The following TYK2 variants were observed in gnomAD, a reference collection of about 807,000 sequenced individuals.
TYK2 encodes the protein tyrosine kinase 2.
A neutral mutation model predicts 130.9 loss-of-function variants in TYK2; 65 were observed. The ratio of observed to expected loss-of-function variants is 0.50; its 90% confidence interval spans 0.41 to 0.61. The LOEUF (loss-of-function observed/expected upper bound fraction) is 0.61. TYK2 is among the 20% of genes least tolerant of loss of function. The pLI, the probability that TYK2 is intolerant of heterozygous loss-of-function variation, is 0.00. For synonymous variants in TYK2, 647 were observed against 658.9 expected (o/e 0.98, Z 0.28); for missense variants, 1,378 against 1,610.7 (o/e 0.86, Z 2.47).
chr19:10,358,040 A>G lies in TYK2; in HGVS notation c.2274T>C (p.Ser758=), dbSNP rs772006960. The change falls in exon 16 of 25, where the codon AGT becomes AGC. Residue 758 remains serine, a synonymous_variant. Transcript: ENST00000525621. Reference sequence around the variant, plus strand: ...GGGCGCCCAGGCCCACGCCAGGATCACTCAGCTTGATGAAGGGGCTGGTGC... The same window carrying G: ...GGGCGCCCAGGCCCACGCCAGGATCGCTCAGCTTGATGAAGGGGCTGGTGC... ...AEGTSPFIKL[S]DPGVGLGALS... is the part of the protein sequence containing the mutation. 1.9e-6 allele frequency: 3 copies of G among 1,613,400 alleles called. No homozygotes were observed. Among genetic ancestry groups the G allele is most frequent in the Non-Finnish European group, 2.5e-6 (3 of 1,179,972 alleles).
chr19:10,371,244 GC>G lies in TYK2; in HGVS notation c.194-2827del, dbSNP rs200741543. Reference sequence around the variant, plus strand: ...GCCTCCTGAGTAGCTGGGAGGCTGAGCTACTCAGCCTCCAAAGTGCTGGGAT... The same window carrying G: ...GCCTCCTGAGTAGCTGGGAGGCTGAGTACTCAGCCTCCAAAGTGCTGGGAT... On this transcript the variant is annotated intron_variant, in intron 3 of 24. Transcript: ENST00000525621. Among the ~76,000 whole-genome samples, 1,178 of 151,852 alleles carry G rather than the reference GC, an allele frequency of 7.8e-3. 13 individuals carry two copies. Among genetic ancestry groups the G allele is most frequent in the African/African-American group, 0.026 (1,100 of 41,512 alleles).
At chr19:10,354,656 A>AGTGTGG in intron 18 of TYK2, 47 bp from the exon 19 acceptor site, 1 of 1,517,566 alleles carries the variant, frequency 6.6e-7, no homozygotes, top group Non-Finnish European at 9.2e-7. Context: ...TCCTTTCCCC[A>AGTGTGG]GCAGGCCCAC....
Position 10,350,797 on chromosome 19 carries a change from C to T in TYK2, c.*37G>A. The T allele has an allele frequency of 3.7e-6, 6 of 1,611,634 alleles. No individual in the cohort carries two copies. Among genetic ancestry groups the T allele is most frequent in the Non-Finnish European group, 4.2e-6 (5 of 1,179,764 alleles). On this transcript the variant is annotated 3_prime_UTR_variant, in exon 25 of 25. Transcript: ENST00000525621. Reference sequence around the variant, plus strand: ...AGGAGGCTCCCTCTGCAGCCACTGCCTGGTCCAGTCCTCCCAGGCAGGGCT... The same window carrying T: ...AGGAGGCTCCCTCTGCAGCCACTGCTTGGTCCAGTCCTCCCAGGCAGGGCT...
rs750764159 is a variant in TYK2, at chr19:10,365,604, A to G, written c.924T>C (p.Ala308=). The part of the protein sequence containing the change: ...VAPTDPGPES[A]AGPPTHEVLV... ...GCACCTCGTGGGTTGGGGGCCCAGC[A>G]GCAGACTCAGGGCCAGGGTCTGTAG... The change falls in exon 7 of 25, where the codon GCT becomes GCC. Residue 308 remains alanine, a synonymous_variant. Transcript: ENST00000525621. 5.0e-6 allele frequency: 8 copies of G among 1,613,934 alleles called. No homozygotes were observed. Among genetic ancestry groups the G allele is most frequent in the Non-Finnish European group, 6.8e-6 (8 of 1,180,010 alleles).
Position 10,361,477 on chromosome 19 carries a change from C to T in TYK2, c.2047+34G>A. The T allele has an allele frequency of 6.5e-7, 1 of 1,544,214 alleles. No homozygotes were observed. The stretch of plus-strand genomic sequence containing the variant: ...GTGGGTATAAGTCAGGGGTGGCCTG[C>T]CAAAGGGGGATGGGTATGGCGGGAC... On this transcript the variant is annotated intron_variant, in intron 14 of 24. Coordinates refer to ENST00000525621, the MANE Select transcript of TYK2 (RefSeq NM_003331.5). The surrounding 1 kb of genome is among the most constrained non-coding windows in gnomAD (Gnocchi z 4.0).
Position 10,362,270 on chromosome 19 carries a change from G to A in TYK2, c.1663C>T (p.Pro555Ser), listed in dbSNP as rs887962195. The change falls in exon 11 of 25, where the codon CCA (proline) becomes TCA (serine). Residue 555 changes from proline to serine, a missense_variant. Physicochemically the swap from Pro to Ser is moderately conservative, Grantham distance 74. Coordinates refer to ENST00000525621, the MANE Select transcript of TYK2 (RefSeq NM_003331.5). Reference sequence around the variant, plus strand: ...GGTCCCCCTATCATCGTACCTCCTGGTTGGGGCAGGCAACAGCGACGCAGA... The same window carrying A: ...GGTCCCCCTATCATCGTACCTCCTGATTGGGGCAGGCAACAGCGACGCAGA... ...FSLRRCCLPQ[P>S]GETSNLIIMR... 1 of 1,613,688 alleles carries A rather than the reference G, an allele frequency of 6.2e-7. No homozygotes were observed.
intron 3 of TYK2, among the ~76,000 whole-genome samples, chr19:10,373,128 CT>C (rs2041987412): frequency 6.6e-6 from 1 of 151,110 alleles, no homozygotes; most frequent in South Asian, 2.1e-4. Context: ...CCTCCACCCC[CT>C]GGGTTCAAGC....
rs751448203 is a variant in TYK2 at position 10,362,337 on chromosome 19, G to A, written c.1596C>T (p.Ala532=). 2.5e-6 allele frequency: 4 copies of A among 1,614,164 alleles called. No individual in the cohort carries two copies. The East Asian group carries it at 8.9e-5, about 36-fold the overall frequency. ...CGGCCCTCAGCAAGCAGCCCTGCAA[G>A]GCAGCCCCAAGTTCCCGAACGCTGG... ...SFPSVRELGA[A]LQGCLLRAGD... Residue 532 remains alanine (A), a synonymous_variant, in exon 11 of 25, where the codon GCC becomes GCT. Transcript: ENST00000525621.
rs374784595 is a variant in TYK2 at position 10,368,160 on chromosome 19, C to T, written c.360G>A (p.Pro120=). 18 of 1,613,976 alleles carry T rather than the reference C, an allele frequency of 1.1e-5. No individual in the cohort carries two copies. Among genetic ancestry groups the T allele is most frequent in the African/African-American group, 9.3e-5 (7 of 74,910 alleles). ...RNWHGMNPRE[P]AVYRCGPPGT... Reference sequence around the variant, plus strand: ...CTGGGGGCCCACAACGGTACACAGCCGGTTCCCGAGGATTCATGCCATGCC... The same window carrying T: ...CTGGGGGCCCACAACGGTACACAGCTGGTTCCCGAGGATTCATGCCATGCC... The change falls in exon 5 of 25, where the codon CCG becomes CCA. Residue 120 remains proline (P), a synonymous_variant. Transcript: ENST00000525621.
In TYK2 at chr19:10,378,369, T is replaced by C; in HGVS notation, c.38A>G (p.Lys13Arg). Reference sequence around the variant, plus strand: ...GGGCTGGGCTCCATCCCCAACGGGCTTACTGCCCCTGGCCATCCCCCAGTG... The same window carrying C: ...GGGCTGGGCTCCATCCCCAACGGGCCTACTGCCCCTGGCCATCCCCCAGTG... ...LRHWGMARGSKPVGDGAQPMA... is the reference protein window; with the variant it reads ...LRHWGMARGSRPVGDGAQPMA... Residue 13 changes from lysine (K) to arginine (R), a missense_variant, in exon 3 of 25, where the codon AAG becomes AGG. Lys to Arg is a conservative substitution (Grantham distance 26). Coordinates refer to ENST00000525621, the MANE Select transcript of TYK2 (RefSeq NM_003331.5). 2 of 1,612,216 alleles carry C rather than the reference T, an allele frequency of 1.2e-6. No individual in the cohort carries two copies. The highest frequency in any genetic ancestry group is 1.7e-6 in the Non-Finnish European group (2 of 1,179,896).
intron 18 of TYK2, among the ~76,000 whole-genome samples, chr19:10,356,153 T>G (rs2041088911): frequency 6.6e-6 from 1 of 152,108 alleles, no homozygotes. Flanking sequence ...CTGAAGCAGA[T>G]AGATCATTTG....
At chr19:10,354,668 C>A (rs569903997) in intron 18 of TYK2, 59 bp from the exon 19 acceptor site, 1 of 1,457,456 alleles carries the variant, frequency 6.9e-7, no homozygotes, top group South Asian at 1.1e-5. Flanking sequence ...CAGGCCCACA[C>A]TTGGGAGTCA....
chr19:10,366,515 G>A lies in TYK2; in HGVS notation c.531C>T (p.His177=). The change falls in exon 6 of 25, where the codon CAC becomes CAT. Residue 177 remains histidine (H), a synonymous_variant. Transcript: ENST00000525621. ...TGCCCAGGCTCTCATTCTTAAAGTG[G>A]TGGATCTCCTCCTCGGTCGACAGCT... ...LWELSTEEEI[H]HFKNESLGMA... is the part of the protein sequence containing the mutation. 1 of 1,613,960 alleles carries A rather than the reference G, an allele frequency of 6.2e-7. No individual in the cohort carries two copies. The highest frequency in any genetic ancestry group is 1.1e-5 in the South Asian group (1 of 91,074).
In TYK2 at chr19:10,354,207, A is replaced by G; in HGVS notation, c.2743T>C (p.Cys915Arg). The G allele has an allele frequency of 6.2e-7, 1 of 1,613,404 alleles. No homozygotes were observed. The highest frequency in any genetic ancestry group is 8.5e-7 in the Non-Finnish European group (1 of 1,180,018). The change falls in exon 20 of 25, where the codon TGC becomes CGC. Residue 915 changes from cysteine (C) to arginine (R), a missense_variant. By Grantham distance (180) the Cys-to-Arg change is radical. Transcript: ENST00000525621. ...GTGCCGTCGTTGGTCGGATCGTAGC[A>G]GTACAAGCTGACCTTGCCGAAGTGA... ...EGHFGKVSLY[C>R]YDPTNDGTGE... is the part of the protein sequence containing the mutation.
At position 10,372,458 on chromosome 19, in the gene TYK2, C is replaced by CTATATATATATATATA. The variant is rs569826524; in HGVS notation, c.194-4056_194-4041dup. On this transcript the variant is annotated intron_variant, in intron 3 of 24. Transcript: ENST00000525621. ...TACAGGAACACGCCACCACACACAG[C>CTATATATATATATATA]TATATATATATATATATATATATAT... Among the ~76,000 whole-genome samples the CTATATATATATATATA allele has an allele frequency of 4.4e-4, 20 of 45,974 alleles. 1 individual carries two copies. The highest frequency in any genetic ancestry group is 1.5e-3 in the South Asian group (2 of 1,354). The allele number at this position is 45,974 out of a possible 152,430, so 30.2% of individuals were successfully genotyped here. A position where few individuals can be genotyped will look rare whatever the true frequency, so the allele number is the denominator to read the frequency against.
chr19:10,362,700 C>G, intron 9 of TYK2, 43 bp from the exon 10 acceptor site: 2 of 1,494,394 alleles, frequency 1.3e-6, no homozygotes, highest in Non-Finnish European at 1.8e-6. Flanking sequence ...CCTGGGGCCA[C>G]TCTGGACCCA....
In TYK2 at chr19:10,353,493, G is replaced by A; in HGVS notation, c.3027+35C>T. 3.5e-6 allele frequency: 5 copies of A among 1,433,716 alleles called. No homozygotes were observed. Among genetic ancestry groups the A allele is most frequent in the Non-Finnish European group, 4.7e-6 (5 of 1,072,746 alleles). The allele number at this position is 1,433,716 out of a possible 1,614,324, so 88.8% of individuals were successfully genotyped here. On this transcript the variant is annotated intron_variant, in intron 21 of 24. Coordinates refer to ENST00000525621, the MANE Select transcript of TYK2 (RefSeq NM_003331.5). The surrounding 1 kb of genome is among the most constrained non-coding windows in gnomAD (Gnocchi z 6.9). The stretch of plus-strand genomic sequence containing the variant: ...GGCCAGCCCAAGCTGAAGAGGAAGG[G>A]GCAAGCTCCAGAAGCAGGGGCGGGG...
In TYK2 at chr19:10,365,496, C is replaced by T. The variant is rs12720267; in HGVS notation, c.1011+21G>A. On this transcript the variant is annotated intron_variant, in intron 7 of 24. Coordinates refer to ENST00000525621, the MANE Select transcript of TYK2 (RefSeq NM_003331.5). ...CCCAGCCCAACCTGAACCCCCAGGG[C>T]GGAAGGGGCGCCTTGCTCACCTCCT... 1.5e-3 allele frequency: 2,486 copies of T among 1,613,226 alleles called. 31 individuals carry two copies. In the African/African-American group the frequency reaches 0.027, roughly 17 times the overall value.
chr19:10,353,992 G>A lies in TYK2; in HGVS notation c.2908+50C>T, dbSNP rs531812472. ...GCCCCGCCCACAAGGCCACACCCACGCTCTAACCACGCCCCCTCAAGTCTC... is the reference window on the plus strand; with the variant it reads ...GCCCCGCCCACAAGGCCACACCCACACTCTAACCACGCCCCCTCAAGTCTC... On this transcript the variant is annotated intron_variant, in intron 20 of 24. Transcript: ENST00000525621. This position sits in a 1 kb window ranked among gnomAD's most constrained non-coding sequence, Gnocchi z 6.9. 3 of 1,587,694 alleles carry A rather than the reference G, an allele frequency of 1.9e-6. No individual in the cohort carries two copies. The highest frequency in any genetic ancestry group is 2.7e-5 in the African/African-American group (2 of 74,472).
Sources: gnomAD v4.1 joint callset for allele counts (sites outside exome capture counted in the v4.1 genomes callset) on GRCh38, gnomAD v4.1.1 for gene constraint, Gnocchi (gnomAD v3.1) non-coding constraint, MANE v1.5 for transcripts, NCBI Gene and HGNC (gene_info 2026-07-23, HGNC 2026-07-21) for gene names.